SHANK2: variants seen among roughly 807,000 people sequenced by gnomAD.
SHANK2 encodes the protein SH3 and multiple ankyrin repeat domains 2, also known as SH3 and multiple ankyrin repeat domains protein 2.
SHANK2 carries 43 observed loss-of-function variants against 133.7 expected under a neutral mutation model. That is an observed-to-expected ratio of 0.32 (90% CI 0.25 to 0.41). The LOEUF (loss-of-function observed/expected upper bound fraction) is 0.41. Among genes scored for constraint, SHANK2 ranks in the 10% least tolerant of loss-of-function variants. The probability of loss-of-function intolerance (pLI) is 1.00; values close to 1 mark genes in which losing one functional copy is unlikely to be tolerated. For missense variants in SHANK2, 1,994 were observed against 2,235.8 expected (o/e 0.89, Z 2.18); for synonymous variants, 1,017 against 952.8 (o/e 1.07, Z -1.24).
chr11:70,617,305 ATGTG>A (rs34433990), intron 17 of SHANK2, among the ~76,000 whole-genome samples: 15 of 149,486 alleles, frequency 1.0e-4, no homozygotes, highest in African/African-American at 2.0e-4. Flanking sequence ...CTGAGAGAGT[ATGTG>A]TGTGTGTGTG....
intron 1 of SHANK2, among the ~76,000 whole-genome samples, chr11:71,231,138 T>A (rs1261801939): frequency 6.6e-6 from 1 of 151,820 alleles, no homozygotes; most frequent in Non-Finnish European, 1.5e-5. Context: ...AACCATAGAG[T>A]GGGAGAAAAA....
At chr11:70,611,841 A>G (rs1314433981) in intron 17 of SHANK2, among the ~76,000 whole-genome samples, 6 of 152,032 alleles carry the variant, frequency 3.9e-5, no homozygotes, top group African/African-American at 1.4e-4. Context: ...CTTCGTTTCT[A>G]CTGAAAATGG....
chr11:70,619,683 G>A (rs1382440175), intron 17 of SHANK2, among the ~76,000 whole-genome samples: 2 of 152,086 alleles, frequency 1.3e-5, no homozygotes, highest in Non-Finnish European at 2.9e-5. Context: ...AGGCTGCCCA[G>A]GGACCCTTCC....
At chr11:71,126,430 G>C (rs1555102697) in intron 3 of SHANK2, among the ~76,000 whole-genome samples, 1 of 152,116 alleles carries the variant, frequency 6.6e-6, no homozygotes, top group African/African-American at 2.4e-5. Flanking sequence ...CAAGAGTGCT[G>C]ATGGAGATGT....
chr11:71,206,412 CG>C (rs1954127710), intron 2 of SHANK2, among the ~76,000 whole-genome samples: 1 of 152,154 alleles, frequency 6.6e-6, no homozygotes, highest in Non-Finnish European at 1.5e-5. Flanking sequence ...CACTGGAATG[CG>C]GATCTGCAAC....
chr11:70,676,144 C>T (rs1423686581), intron 15 of SHANK2, among the ~76,000 whole-genome samples: 1 of 152,234 alleles, frequency 6.6e-6, no homozygotes, highest in Non-Finnish European at 1.5e-5. Flanking sequence ...ACACTGTGTG[C>T]TTAGAGGGAG....
chr11:71,093,910 G>C (rs568488787), intron 7 of SHANK2, among the ~76,000 whole-genome samples: 1 of 152,284 alleles, frequency 6.6e-6, no homozygotes, highest in East Asian at 1.9e-4. Flanking sequence ...TCTGGTGGAG[G>C]ATGCCTGGGC....
intron 1 of SHANK2, among the ~76,000 whole-genome samples, chr11:71,233,452 G>T (rs1954777214): frequency 6.6e-6 from 1 of 152,166 alleles, no homozygotes; most frequent in African/African-American, 2.4e-5. Flanking sequence ...ATTAGTCGTT[G>T]CCAGGGGCTG....
At chr11:70,886,131 C>G (rs1949740308) in intron 11 of SHANK2, among the ~76,000 whole-genome samples, 2 of 152,098 alleles carry the variant, frequency 1.3e-5, no homozygotes, top group African/African-American at 4.8e-5. Context: ...CAGACTTGCA[C>G]AGCTCACTCG....
intron 18 of SHANK2, 91 bp downstream of exon 18, chr11:70,502,705 A>C: frequency 7.3e-7 from 1 of 1,362,972 alleles, no homozygotes; most frequent in African/African-American, 1.5e-5. Flanking sequence ...AGCTGGAGAG[A>C]GGGCCCACTG....
At chr11:71,213,216 A>G (rs568270413) in intron 2 of SHANK2, among the ~76,000 whole-genome samples, 49 of 152,282 alleles carry the variant, frequency 3.2e-4, no homozygotes, top group African/African-American at 1.0e-3. Context: ...CTGAGGGGCC[A>G]GGCACAGGGA....
chr11:70,615,974 G>C (rs1255409388), intron 17 of SHANK2, among the ~76,000 whole-genome samples: 2 of 152,160 alleles, frequency 1.3e-5, no homozygotes, highest in African/African-American at 4.8e-5. Flanking sequence ...GTCCCTGAGA[G>C]GGCTGCTGAG....
chr11:70,760,623 G>A (rs1409737949), intron 14 of SHANK2, among the ~76,000 whole-genome samples: 1 of 152,268 alleles, frequency 6.6e-6, no homozygotes, highest in Non-Finnish European at 1.5e-5. Flanking sequence ...GACCCTTGAG[G>A]GGACTCGATG....
At chr11:71,243,726 G>A (rs972044289) in intron 1 of SHANK2, among the ~76,000 whole-genome samples, 18 of 152,034 alleles carry the variant, frequency 1.2e-4, no homozygotes, top group African/African-American at 2.4e-4. Flanking sequence ...ATAATGAGAC[G>A]GTGCTACAAA....
chr11:70,502,730 T>TGGGCGGGGGGGGGGGGG, intron 18 of SHANK2, 66 bp downstream of exon 18: 5 of 772,452 alleles, frequency 6.5e-6, no homozygotes, highest in Non-Finnish European at 9.5e-6. Context: ...CCAGCTGTCC[T>TGGGCGGGGGGGGGGGGG]GCCCGCCCCC....
Position 70,882,297 on chromosome 11 carries a change from G to A in SHANK2, c.1174+14204C>T, listed in dbSNP as rs1441969617. Among the ~76,000 whole-genome samples, 3 of 152,190 alleles carry A rather than the reference G, an allele frequency of 2.0e-5. No homozygotes were observed. The highest frequency in any genetic ancestry group is 4.4e-5 in the Non-Finnish European group (3 of 68,032). The stretch of plus-strand genomic sequence containing the variant: ...TTCCAGGCCTGGTGAGCTCCGGGGT[G>A]GGACGGGAGAGGGGCCACTGCAGTG... On this transcript the variant is annotated intron_variant, in intron 11 of 25. Transcript: ENST00000601538. The surrounding 1 kb of genome is among the most constrained non-coding windows in gnomAD (Gnocchi z 4.2).
chr11:71,238,167 G>A (rs1469005763), intron 1 of SHANK2, among the ~76,000 whole-genome samples: 2 of 152,204 alleles, frequency 1.3e-5, no homozygotes, highest in African/African-American at 4.8e-5. Flanking sequence ...CACGTGGGAG[G>A]CTCTGCAGAG....
intron 17 of SHANK2, among the ~76,000 whole-genome samples, chr11:70,547,838 G>A (rs1340531540): frequency 6.6e-6 from 1 of 152,168 alleles, no homozygotes; most frequent in Non-Finnish European, 1.5e-5. Flanking sequence ...AGACACAATC[G>A]AGACAGAGAA....
At chr11:70,701,173 T>C (rs1468645512) in intron 14 of SHANK2, among the ~76,000 whole-genome samples, 1 of 151,950 alleles carries the variant, frequency 6.6e-6, no homozygotes, top group African/African-American at 2.4e-5. Context: ...TACGCGTGTG[T>C]GTGTGTGTGT....
Sources: allele counts gnomAD v4.1 joint callset (sites outside exome capture counted in the v4.1 genomes callset), GRCh38; gene constraint gnomAD v4.1.1; non-coding constraint Gnocchi (gnomAD v3.1); transcripts MANE v1.5; gene names NCBI Gene and HGNC (gene_info 2026-07-23, HGNC 2026-07-21).